Variants in RBFOX1 observed in about 807,000 individuals in gnomAD.
The protein encoded by RBFOX1 is RNA binding fox-1 homolog 1, also known as RNA binding protein fox-1 homolog 1.
A neutral mutation model predicts 57.7 loss-of-function variants in RBFOX1; 8 were observed. The ratio of observed to expected loss-of-function variants is 0.14; its 90% CI spans 0.08 to 0.25. RBFOX1 has a LOEUF of 0.25. Among genes scored for constraint, RBFOX1 ranks in the 10% least tolerant of loss-of-function variants. The pLI, the probability that RBFOX1 is intolerant of heterozygous loss-of-function variation, is 1.00. For missense variants in RBFOX1, 611 were observed against 548.5 expected (o/e 1.11, Z -1.14); for synonymous variants, 326 against 222.4 (o/e 1.47, Z -4.15).
chr16:6,574,542 C>T lies in RBFOX1; in HGVS notation c.-63-80061C>T, dbSNP rs374996065. ...TTCCAGGGTTCACGCCATTCTCCTG[C>T]CTCAGCCTCCCAAGTAGCTGGGACT... On this transcript the variant is annotated intron_variant, in intron 2 of 15. Transcript: ENST00000550418. Among the ~76,000 whole-genome samples, 14 of 148,846 alleles carry T rather than the reference C, an allele frequency of 9.4e-5. No individual in the cohort carries two copies. In the East Asian group the frequency reaches 2.9e-3, roughly 31 times the overall value.
chr16:6,030,155 T>TG (rs1408722544), intron 1 of RBFOX1, among the ~76,000 whole-genome samples: 1 of 152,196 alleles, frequency 6.6e-6, no homozygotes, highest in South Asian at 2.1e-4. Flanking sequence ...CTTGAACTCC[T>TG]GGGGTCAAGC....
intron 3 of RBFOX1, among the ~76,000 whole-genome samples, chr16:6,827,653 C>A (rs187868501): frequency 3.4e-4 from 52 of 152,196 alleles, no homozygotes; most frequent in Non-Finnish European, 6.2e-4. Context: ...CCTTCCCCCT[C>A]CTCACCCTTT....
At chr16:5,270,082 A>G (rs1344682287) in intron 1 of RBFOX1, 4 of 220,060 alleles carry the variant, frequency 1.8e-5, no homozygotes, top group African/African-American at 9.4e-5. Context: ...ATCACTTGAT[A>G]TCAGGAGTTC....
At chr16:5,716,430 A>T (rs1270534454) in intron 3 of RBFOX1, among the ~76,000 whole-genome samples, 1 of 152,240 alleles carries the variant, frequency 6.6e-6, no homozygotes, top group Non-Finnish European at 1.5e-5. Flanking sequence ...CCCAGTGTCC[A>T]TGTGTCCAAC....
At chr16:6,895,316 C>T (rs1351273486) in intron 3 of RBFOX1, among the ~76,000 whole-genome samples, 1 of 151,068 alleles carries the variant, frequency 6.6e-6, no homozygotes, top group African/African-American at 2.4e-5. Context: ...AAAACTGGTT[C>T]CATTCATGAT....
At chr16:6,523,979 C>T (rs538630588) in intron 2 of RBFOX1, among the ~76,000 whole-genome samples, 51 of 152,156 alleles carry the variant, frequency 3.4e-4, no homozygotes, top group Non-Finnish European at 7.4e-5. Context: ...CTTCATCCCT[C>T]ATGCATTTAT....
intron 3 of RBFOX1, among the ~76,000 whole-genome samples, chr16:6,993,865 TC>T (rs1194602235): frequency 2.0e-5 from 3 of 152,106 alleles, no homozygotes; most frequent in African/African-American, 7.2e-5. Context: ...TACCACCTCT[TC>T]CCCGAACGTC....
intron 5 of RBFOX1, among the ~76,000 whole-genome samples, chr16:7,548,391 A>C (rs1429634985): frequency 6.6e-6 from 1 of 152,184 alleles, no homozygotes; most frequent in African/African-American, 2.4e-5. Flanking sequence ...TCCCAACCTC[A>C]GGTGATCCAC....
chr16:6,772,303 A>G (rs2154213363), intron 3 of RBFOX1, among the ~76,000 whole-genome samples: 1 of 152,302 alleles, frequency 6.6e-6, no homozygotes, highest in East Asian at 1.9e-4. Flanking sequence ...ACCCTAGTAC[A>G]GAGGAAGGAT....
intron 3 of RBFOX1, among the ~76,000 whole-genome samples, chr16:7,020,196 T>C (rs2094135436): frequency 6.6e-6 from 1 of 152,118 alleles, no homozygotes; most frequent in Non-Finnish European, 1.5e-5. Flanking sequence ...TAAAATATTT[T>C]CTTTTTTTTC....
chr16:5,284,097 A>G (rs1227886485), intron 1 of RBFOX1, among the ~76,000 whole-genome samples: 2 of 151,992 alleles, frequency 1.3e-5, no homozygotes, highest in African/African-American at 4.8e-5. Context: ...TAAAAAGGGT[A>G]GTTTCCCTGC....
At chr16:7,588,928 C>G (rs918615679) in intron 7 of RBFOX1, among the ~76,000 whole-genome samples, 13 of 152,166 alleles carry the variant, frequency 8.5e-5, no homozygotes, top group Non-Finnish European at 1.9e-4. Context: ...TGAGCAAAAA[C>G]AAAAGCAAAA....
At chr16:7,363,713 T>A (rs972005611) in intron 4 of RBFOX1, among the ~76,000 whole-genome samples, 1 of 152,210 alleles carries the variant, frequency 6.6e-6, no homozygotes, top group African/African-American at 2.4e-5. Context: ...AAAACCTTTT[T>A]GCTTACGGCT....
At chr16:6,920,244 A>G (rs900245030) in intron 3 of RBFOX1, among the ~76,000 whole-genome samples, 1 of 99,254 alleles carries the variant, frequency 1.0e-5, no homozygotes, top group African/African-American at 3.8e-5. Context: ...AAACATGGGT[A>G]TGCACATGTG....
chr16:5,978,301 G>A (rs907084205), intron 4 of RBFOX1, among the ~76,000 whole-genome samples: 7 of 151,958 alleles, frequency 4.6e-5, no homozygotes, highest in Non-Finnish European at 7.4e-5. Flanking sequence ...GTGACAGAGT[G>A]AGGCCCCATT....
intron 4 of RBFOX1, among the ~76,000 whole-genome samples, chr16:7,513,132 G>A (rs996654019): frequency 9.9e-5 from 15 of 152,154 alleles, no homozygotes; most frequent in Admixed American, 3.9e-4. Flanking sequence ...TCATCATGGC[G>A]GGTGCCTGTA....
At chr16:7,129,593 T>C (rs1218407112) in intron 4 of RBFOX1, among the ~76,000 whole-genome samples, 1 of 151,958 alleles carries the variant, frequency 6.6e-6, no homozygotes, top group Admixed American at 6.6e-5. Context: ...GGAATTACAG[T>C]TGGCTTTAAG....
chr16:5,890,748 A>T (rs1422534197), intron 4 of RBFOX1, among the ~76,000 whole-genome samples: 1 of 151,242 alleles, frequency 6.6e-6, no homozygotes, highest in Non-Finnish European at 1.5e-5. Context: ...TCAGCCCTAC[A>T]TCTGTCTTAT....
chr16:7,149,748 C>G (rs1205997553), intron 4 of RBFOX1, among the ~76,000 whole-genome samples: 1 of 152,044 alleles, frequency 6.6e-6, no homozygotes, highest in African/African-American at 2.4e-5. Flanking sequence ...ACACCCGCCT[C>G]TACCCCATTC....
Sources: allele counts gnomAD v4.1 joint callset (sites outside exome capture counted in the v4.1 genomes callset), GRCh38; gene constraint gnomAD v4.1.1; transcripts MANE v1.5; gene names NCBI Gene and HGNC (gene_info 2026-07-23, HGNC 2026-07-21).